CSMD1: variants seen among roughly 807,000 people sequenced by gnomAD.
CSMD1 encodes the protein CUB and sushi domain-containing protein 1.
CSMD1 carries 213 observed loss-of-function variants against 417.5 expected under a neutral mutation model. The ratio of observed to expected loss-of-function variants is 0.51; its 90% confidence interval spans 0.46 to 0.57. The LOEUF (loss-of-function observed/expected upper bound fraction) is 0.57. Among genes scored for constraint, CSMD1 ranks in the 20% least tolerant of loss-of-function variants. The pLI, the probability that CSMD1 is intolerant of heterozygous loss-of-function variation, is 0.00. For missense variants in CSMD1, 6,923 were observed against 4,529.7 expected (o/e 1.53, Z -15.17); for synonymous variants, 2,862 against 1,736.8 (o/e 1.65, Z -16.11).
rs118175296 is a variant in CSMD1, at chr8:4,718,491, A to G, written c.86-80933T>C. On this transcript the variant is annotated intron_variant, in intron 1 of 69. Coordinates refer to ENST00000635120, the MANE Select transcript of CSMD1 (RefSeq NM_033225.6). ...CTGAAGACAGGAACTAGAAAAGAAT[A>G]ACTAATATTCCCGCTGTCAATTAAT... is the stretch of plus-strand genomic sequence containing the variant. Among the ~76,000 whole-genome samples, 699 of 152,264 alleles carry G rather than the reference A, an allele frequency of 4.6e-3. 1 individual carries two copies. The highest frequency in any genetic ancestry group is 7.2e-3 in the Non-Finnish European group (493 of 68,004).
At chr8:4,469,112 C>A (rs1039171460) in intron 2 of CSMD1, among the ~76,000 whole-genome samples, 14 of 152,144 alleles carry the variant, frequency 9.2e-5, no homozygotes, top group Admixed American at 5.9e-4. Context: ...TTTGGTGTGG[C>A]CTCCCTGGAG....
In CSMD1 at chr8:3,884,833, G is replaced by A. The variant is rs17067857; in HGVS notation, c.818+113070C>T. Reference sequence around the variant, plus strand: ...ACGCAAGGAGAATCTCTACTTCGTCGTCAGTCTGTGTATGAAAATGCCAAG... The same window carrying A: ...ACGCAAGGAGAATCTCTACTTCGTCATCAGTCTGTGTATGAAAATGCCAAG... On this transcript the variant is annotated intron_variant, in intron 5 of 69. Transcript: ENST00000635120. Among the ~76,000 whole-genome samples the A allele has an allele frequency of 4.7e-3, 712 of 151,342 alleles. 7 individuals carry two copies. The highest frequency in any genetic ancestry group is 0.016 in the African/African-American group (656 of 41,228).
intron 5 of CSMD1, among the ~76,000 whole-genome samples, chr8:3,937,722 C>T (rs573771675): frequency 2.3e-4 from 35 of 152,196 alleles, no homozygotes; most frequent in Admixed American, 1.3e-3. Flanking sequence ...ATAGTTTCCA[C>T]ATTAGTACAC....
At chr8:4,668,732 G>C (rs946602559) in intron 1 of CSMD1, among the ~76,000 whole-genome samples, 1 of 152,014 alleles carries the variant, frequency 6.6e-6, no homozygotes. Context: ...TTACCAGTTT[G>C]CCTACAACCT....
chr8:3,310,802 A>G (rs1213280997), intron 23 of CSMD1, among the ~76,000 whole-genome samples: 2 of 82,000 alleles, frequency 2.4e-5, no homozygotes, highest in Non-Finnish European at 3.4e-5. Context: ...TGCACACAGC[A>G]CCCAGGAGGT....
At chr8:4,455,035 T>C (rs1799383830) in intron 2 of CSMD1, among the ~76,000 whole-genome samples, 2 of 152,008 alleles carry the variant, frequency 1.3e-5, no homozygotes, top group East Asian at 1.9e-4. Flanking sequence ...TCCGCTGTCA[T>C]CAACACAATA....
At chr8:4,212,751 C>CTTTTTTTTTTTTTTTTTTTTTGTT (rs1800396319) in intron 3 of CSMD1, among the ~76,000 whole-genome samples, 1 of 99,268 alleles carries the variant, frequency 1.0e-5, no homozygotes, top group African/African-American at 4.3e-5. Flanking sequence ...CGGCCTTATT[C>CTTTTTTTTTTTTTTTTTTTTTGTT]TTTTTTTTTT....
chr8:3,449,868 G>C (rs893606892), intron 12 of CSMD1, among the ~76,000 whole-genome samples: 1 of 152,100 alleles, frequency 6.6e-6, no homozygotes, highest in South Asian at 2.1e-4. Flanking sequence ...TAAGCCTCAC[G>C]TTGTAAAGTT....
intron 3 of CSMD1, among the ~76,000 whole-genome samples, chr8:4,379,707 GAAGAGGGCAATGAAGCAACAGTGGCAGA>G (rs1802980779): frequency 1.1e-5 from 1 of 87,250 alleles, no homozygotes; most frequent in Non-Finnish European, 2.9e-5. Flanking sequence ...ACAATGGCGG[GAAGAGGGCAATGAAGCAACAGTGGCAGA>G]AAGTATGATA....
intron 5 of CSMD1, among the ~76,000 whole-genome samples, chr8:3,949,513 G>A (rs919751760): frequency 6.6e-6 from 1 of 152,168 alleles, no homozygotes; most frequent in Non-Finnish European, 1.5e-5. Flanking sequence ...ACTGTCAGGA[G>A]CAAAGAGAGA....
At chr8:4,519,615 C>T (rs1013818185) in intron 2 of CSMD1, among the ~76,000 whole-genome samples, 4 of 151,196 alleles carry the variant, frequency 2.6e-5, no homozygotes, top group African/African-American at 9.7e-5. Flanking sequence ...TTGCAGGTAC[C>T]TATAATCCCA....
At chr8:4,034,195 T>G (rs1797501278) in intron 3 of CSMD1, among the ~76,000 whole-genome samples, 1 of 152,160 alleles carries the variant, frequency 6.6e-6, no homozygotes, top group Non-Finnish European at 1.5e-5. Flanking sequence ...ATCATCTATT[T>G]CTAAAAGTAT....
rs536156902 is a variant in CSMD1, at chr8:4,607,287, A to G, written c.302+30055T>C. Among the ~76,000 whole-genome samples the G allele has an allele frequency of 5.9e-5, 8 of 136,502 alleles. No individual in the cohort carries two copies. In the East Asian group the frequency reaches 1.4e-3, roughly 23 times the overall value. 89.6% of individuals were successfully genotyped at this position (136,502 alleles called of 152,430 possible). On this transcript the variant is annotated intron_variant, in intron 2 of 69. Transcript: ENST00000635120. Reference sequence around the variant, plus strand: ...AGTAGAAAATATGGAAAAAATAAATAACAAAAAAAAATGCATTTGAACGTA... The same window carrying G: ...AGTAGAAAATATGGAAAAAATAAATGACAAAAAAAAATGCATTTGAACGTA...
chr8:3,410,820 C>T (rs910758699), intron 12 of CSMD1, among the ~76,000 whole-genome samples: 4 of 152,132 alleles, frequency 2.6e-5, no homozygotes, highest in African/African-American at 9.7e-5. Context: ...CTCACTGCAA[C>T]TTCCAACTCT....
intron 3 of CSMD1, among the ~76,000 whole-genome samples, chr8:4,136,747 C>A (rs1487927507): frequency 1.3e-5 from 2 of 152,082 alleles, no homozygotes; most frequent in Non-Finnish European, 2.9e-5. Flanking sequence ...GAAAGGTGTG[C>A]ATGTGAATTA....
At chr8:3,455,226 A>C (rs1356834726) in intron 12 of CSMD1, among the ~76,000 whole-genome samples, 1 of 151,940 alleles carries the variant, frequency 6.6e-6, no homozygotes, top group African/African-American at 2.4e-5. Context: ...ATTTTTTTTC[A>C]AGGTTTTTAA....
At chr8:4,068,341 G>A (rs1017589152) in intron 3 of CSMD1, among the ~76,000 whole-genome samples, 1 of 152,122 alleles carries the variant, frequency 6.6e-6, no homozygotes. Context: ...TGAGAGTGGG[G>A]CTCAAAGCAG....
rs1343335713 is a variant in CSMD1 at position 2,949,332 on chromosome 8, T to C, written c.10369A>G (p.Lys3457Glu). 6.2e-7 allele frequency: 1 copy of C among 1,608,528 alleles called. No homozygotes were observed. The highest frequency in any genetic ancestry group is 2.2e-5 in the East Asian group (1 of 44,644). Residue 3457 changes from lysine (K) to glutamate (E), a missense_variant, in exon 68 of 70, where the codon AAA becomes GAA. Coordinates refer to ENST00000635120, the MANE Select transcript of CSMD1 (RefSeq NM_033225.6). ...GFTFQGDIHG[K>E]DFGKFKLERQ... Reference sequence around the variant, plus strand: ...TCTAGCTTAAATTTTCCAAAGTCTTTTCCATGAATGTCACCTTGAAAAGTA... The same window carrying C: ...TCTAGCTTAAATTTTCCAAAGTCTTCTCCATGAATGTCACCTTGAAAAGTA...
At chr8:3,827,240 C>A (rs566807890) in intron 5 of CSMD1, among the ~76,000 whole-genome samples, 23 of 152,254 alleles carry the variant, frequency 1.5e-4, no homozygotes, top group Admixed American at 1.2e-3. Context: ...ACTTTTTCAT[C>A]AATAGCTAAA....
Sources: allele counts gnomAD v4.1 joint callset (sites outside exome capture counted in the v4.1 genomes callset), GRCh38; gene constraint gnomAD v4.1.1; transcripts MANE v1.5; gene names NCBI Gene and HGNC (gene_info 2026-07-23, HGNC 2026-07-21).